GNA14: variants seen among roughly 807,000 people sequenced by gnomAD.
GNA14 encodes guanine nucleotide-binding protein subunit alpha-14.
GNA14 carries 50 observed loss-of-function variants against 42.0 expected under a neutral mutation model. The observed-to-expected ratio is 1.19, with a 90% CI of 0.95 to 1.51. The LOEUF is 1.51. Among genes scored for constraint, GNA14 ranks in the 40% most tolerant of loss-of-function variants. The pLI is 0.00. For missense variants in GNA14, 473 were observed against 446.2 expected, an observed-to-expected ratio of 1.06 and a Z score of -0.54; for synonymous variants, 173 against 163.1, an observed-to-expected ratio of 1.06 and a Z score of -0.46.
At position 77,454,448 on chromosome 9, in the gene GNA14, G is replaced by A. The variant is rs138129697; in HGVS notation, c.310-19926C>T. Among the ~76,000 whole-genome samples the A allele has an allele frequency of 2.8e-3, 426 of 152,294 alleles. 2 individuals are homozygous for A. The highest frequency in any genetic ancestry group is 9.7e-3 in the African/African-American group (405 of 41,554). On this transcript the variant is annotated intron_variant, in intron 2 of 6. Coordinates refer to ENST00000341700, the MANE Select transcript of GNA14 (RefSeq NM_004297.4). ...GTTAATTCAGGTCTCCTGCTCTCCTGTGGCTAAGTGCCAGGCCACTCAGAC... is the reference window on the plus strand; with the variant it reads ...GTTAATTCAGGTCTCCTGCTCTCCTATGGCTAAGTGCCAGGCCACTCAGAC...
chr9:77,425,511 G>C, intron 6 of GNA14, 51 bp downstream of exon 6: 3 of 1,416,570 alleles, frequency 2.1e-6, no homozygotes, highest in Non-Finnish European at 2.9e-6. Flanking sequence ...TGATGCCCGG[G>C]AGGTGGACGA....
intron 1 of GNA14, among the ~76,000 whole-genome samples, chr9:77,535,713 T>C (rs536224576): frequency 5.9e-5 from 9 of 152,240 alleles, no homozygotes; most frequent in African/African-American, 1.9e-4. Context: ...GGTCTAATAA[T>C]TTTGACAGAT....
At chr9:77,615,299 GC>G (rs529907563) in intron 1 of GNA14, among the ~76,000 whole-genome samples, 3 of 151,350 alleles carry the variant, frequency 2.0e-5, no homozygotes, top group Non-Finnish European at 4.4e-5. Flanking sequence ...AGGAGACAAT[GC>G]TTTTTTTTTT....
At position 77,639,998 on chromosome 9, in the gene GNA14, G is replaced by A. The variant is rs574460916; in HGVS notation, c.124+7672C>T. Among the ~76,000 whole-genome samples, 7 of 152,264 alleles carry A rather than the reference G, an allele frequency of 4.6e-5. No homozygotes were observed. The East Asian group carries it at 1.4e-3, about 29-fold the overall frequency. On this transcript the variant is annotated intron_variant, in intron 1 of 6. Coordinates refer to ENST00000341700, the MANE Select transcript of GNA14 (RefSeq NM_004297.4). ...TAGCTGTGGCTACCTGGCTCACAGG[G>A]ATCCCAGTCCCCGGCCATCTGCACT... is the stretch of plus-strand genomic sequence containing the variant.
rs116426971 is a variant in GNA14, at chr9:77,464,194, T to C, written c.310-29672A>G. Among the ~76,000 whole-genome samples the C allele has an allele frequency of 9.9e-3, 1,509 of 152,216 alleles. 30 individuals carry two copies. The highest frequency in any genetic ancestry group is 0.034 in the African/African-American group (1,411 of 41,522). On this transcript the variant is annotated intron_variant, in intron 2 of 6. Transcript: ENST00000341700. ...TTTTATATGTTTTGTAGAGATGGGG[T>C]CTTGCCATGTTGTCCAAGCTGGTCT...
chr9:77,578,288 A>G (rs7032092), intron 1 of GNA14, among the ~76,000 whole-genome samples: 1 of 152,112 alleles, frequency 6.6e-6, no homozygotes, highest in East Asian at 1.9e-4. Context: ...CAAAACAAAA[A>G]CAAACAAACT....
intron 1 of GNA14, among the ~76,000 whole-genome samples, chr9:77,552,472 T>C (rs1837797851): frequency 1.3e-5 from 2 of 152,242 alleles, no homozygotes; most frequent in South Asian, 4.1e-4. Context: ...TTCTTGGTCC[T>C]ACATTCTGTG....
chr9:77,634,085 A>G (rs1339496577), intron 1 of GNA14, among the ~76,000 whole-genome samples: 1 of 152,232 alleles, frequency 6.6e-6, no homozygotes, highest in Non-Finnish European at 1.5e-5. Flanking sequence ...TTTTGGTTAC[A>G]TATCAAAATC....
chr9:77,513,726 C>T (rs1157687591), intron 2 of GNA14, among the ~76,000 whole-genome samples: 2 of 152,226 alleles, frequency 1.3e-5, no homozygotes, highest in Non-Finnish European at 2.9e-5. Flanking sequence ...TTCCCGAACA[C>T]ATGATGACCT....
intron 2 of GNA14, among the ~76,000 whole-genome samples, chr9:77,475,627 C>T (rs1836405720): frequency 6.6e-6 from 1 of 152,118 alleles, no homozygotes; most frequent in Non-Finnish European, 1.5e-5. Context: ...CCTTGCTCCC[C>T]TCTCCTCTAA....
intron 1 of GNA14, among the ~76,000 whole-genome samples, chr9:77,556,401 A>C (rs931001332): frequency 6.6e-6 from 1 of 152,184 alleles, no homozygotes; most frequent in African/African-American, 2.4e-5. Context: ...CCATGACATG[A>C]TACTGATGAA....
chr9:77,624,590 T>C (rs571748258), intron 1 of GNA14, among the ~76,000 whole-genome samples: 35 of 152,236 alleles, frequency 2.3e-4, no homozygotes, highest in Admixed American at 3.9e-4. Flanking sequence ...CTGCAATCTT[T>C]GATGTTCTGC....
chr9:77,537,399 A>G (rs1367025989), intron 1 of GNA14, among the ~76,000 whole-genome samples: 1 of 152,166 alleles, frequency 6.6e-6, no homozygotes, highest in East Asian at 1.9e-4. Flanking sequence ...TGTTGCTGCA[A>G]ATGACATGAT....
intron 2 of GNA14, among the ~76,000 whole-genome samples, chr9:77,528,596 T>G (rs1837477862): frequency 6.6e-6 from 1 of 152,146 alleles, no homozygotes; most frequent in Non-Finnish European, 1.5e-5. Flanking sequence ...AGCCATCACT[T>G]AGTTCCCAAG....
chr9:77,464,351 ATGTGTGTG>A (rs35743834), intron 2 of GNA14, among the ~76,000 whole-genome samples: 2,080 of 144,802 alleles, frequency 0.014, 37 homozygotes, highest in African/African-American at 0.046. Flanking sequence ...GTGTGTGTAT[ATGTGTGTG>A]TGTGTGTGTG....
At chr9:77,529,305 C>T in intron 1 of GNA14, 52 bp from the exon 2 acceptor site, 4 of 1,382,164 alleles carry the variant, frequency 2.9e-6, no homozygotes, top group Non-Finnish European at 4.1e-6. Flanking sequence ...CAAAGGAACA[C>T]ACGAAGAAAC....
At chr9:77,539,807 C>T (rs570755255) in intron 1 of GNA14, among the ~76,000 whole-genome samples, 2 of 152,176 alleles carry the variant, frequency 1.3e-5, no homozygotes, top group South Asian at 4.1e-4. Context: ...TATAGTTGTT[C>T]ATAATAATCT....
chr9:77,609,520 G>A (rs1017121061), intron 1 of GNA14, among the ~76,000 whole-genome samples: 4 of 152,034 alleles, frequency 2.6e-5, no homozygotes, highest in Non-Finnish European at 5.9e-5. Flanking sequence ...CACATTTTTA[G>A]ATATTTGCTT....
At chr9:77,435,897 C>T (rs1835632989) in intron 2 of GNA14, among the ~76,000 whole-genome samples, 2 of 152,182 alleles carry the variant, frequency 1.3e-5, no homozygotes, top group Admixed American at 6.5e-5. Flanking sequence ...ATTCCCCCTC[C>T]CATATTTCTG....
Sources: allele counts gnomAD v4.1 joint callset (sites outside exome capture counted in the v4.1 genomes callset), GRCh38; gene constraint gnomAD v4.1.1; transcripts MANE v1.5; gene names NCBI Gene and HGNC (gene_info 2026-07-23, HGNC 2026-07-21).